LRRC42: variants seen among roughly 807,000 people sequenced by gnomAD.
LRRC42 encodes leucine-rich repeat-containing protein 42.
In LRRC42, 43 loss-of-function variants were observed where a neutral mutation model predicts 44.3. The observed-to-expected ratio is 0.97, with a 90% CI of 0.76 to 1.25. LRRC42 has a LOEUF of 1.25. Among genes scored for constraint, LRRC42 ranks in the 50% most tolerant of loss-of-function variants. The pLI, the probability that LRRC42 is intolerant of heterozygous loss-of-function variation, is 0.00. For missense variants in LRRC42, 540 were observed against 509.1 expected, an observed-to-expected ratio of 1.06 and a Z score of -0.58; for synonymous variants, 207 against 195.2, an observed-to-expected ratio of 1.06 and a Z score of -0.50.
intron 7 of LRRC42, among the ~76,000 whole-genome samples, chr1:53,962,759 A>AT (rs1655032126): frequency 6.6e-6 from 1 of 152,224 alleles, no homozygotes; most frequent in South Asian, 2.1e-4. Flanking sequence ...TAGTGTGTAT[A>AT]TACAGGAGAG....
At chr1:53,948,736 G>A (rs554066803) in intron 2 of LRRC42, among the ~76,000 whole-genome samples, 1 of 152,166 alleles carries the variant, frequency 6.6e-6, no homozygotes, top group Non-Finnish European at 1.5e-5. Flanking sequence ...TCCTGACCAG[G>A]TCCATTTGTA....
chr1:53,956,563 A>G (rs1277567002), intron 3 of LRRC42, among the ~76,000 whole-genome samples: 1 of 152,182 alleles, frequency 6.6e-6, no homozygotes, highest in East Asian at 1.9e-4. Flanking sequence ...TTAGAATCCA[A>G]ACTCAGGTCT....
At chr1:53,950,987 C>T (rs960789727) in intron 2 of LRRC42, among the ~76,000 whole-genome samples, 1 of 152,200 alleles carries the variant, frequency 6.6e-6, no homozygotes, top group African/African-American at 2.4e-5. Context: ...TGGTTCCACA[C>T]TATCTGCTCG....
chr1:53,958,687 A>T (rs1323661404), intron 4 of LRRC42, among the ~76,000 whole-genome samples: 1 of 151,674 alleles, frequency 6.6e-6, no homozygotes, highest in Non-Finnish European at 1.5e-5. Context: ...CCCAGGTTCA[A>T]GCAATTCTCC....
At chr1:53,956,910 T>C (rs1455846874) in intron 3 of LRRC42, among the ~76,000 whole-genome samples, 3 of 152,216 alleles carry the variant, frequency 2.0e-5, no homozygotes, top group Non-Finnish European at 4.4e-5. Context: ...GATTGGAAGG[T>C]GGAAAACAGC....
chr1:53,956,336 A>G (rs1654835525), intron 3 of LRRC42, among the ~76,000 whole-genome samples: 1 of 152,218 alleles, frequency 6.6e-6, no homozygotes, highest in South Asian at 2.1e-4. Flanking sequence ...ACAGGGAGGC[A>G]AGTATGTTTT....
chr1:53,953,620 A>G (rs146764072), intron 3 of LRRC42, among the ~76,000 whole-genome samples: 3,431 of 152,136 alleles, frequency 0.023, 74 homozygotes, highest in Non-Finnish European at 0.033. Flanking sequence ...CAGCCTCCTA[A>G]AGTGCTGGGA....
chr1:53,959,939 TAGGC>T (rs753029215), intron 4 of LRRC42, among the ~76,000 whole-genome samples: 251 of 151,760 alleles, frequency 1.7e-3, no homozygotes, highest in Non-Finnish European at 3.3e-3. Flanking sequence ...TTTTTTTTGT[TAGGC>T]AGGGTCATGT....
At chr1:53,965,227 C>T (rs539214033) in intron 7 of LRRC42, among the ~76,000 whole-genome samples, 2 of 151,704 alleles carry the variant, frequency 1.3e-5, no homozygotes, top group African/African-American at 2.4e-5. Context: ...TCCTGTGATC[C>T]GCCTGCCTCG....
chr1:53,954,682 A>G (rs561709236), intron 3 of LRRC42, among the ~76,000 whole-genome samples: 3 of 152,218 alleles, frequency 2.0e-5, no homozygotes, highest in Admixed American at 2.0e-4. Flanking sequence ...CTTATAGCTT[A>G]ATATTTGCCA....
In LRRC42 at chr1:53,962,384, G is replaced by A. The variant is rs780864196; in HGVS notation, c.902G>A (p.Cys301Tyr). The change falls in exon 7 of 9, where the codon TGC (cysteine) becomes TAC (tyrosine). Residue 301 changes from cysteine (C) to tyrosine (Y), a missense_variant. Coordinates refer to ENST00000371370, the MANE Select transcript of LRRC42 (RefSeq NM_001256409.2). The part of the protein sequence containing the change: ...VPLKEFDHSN[C>Y]KTEGWADQIV... ...TTGAAGGAATTTGATCATAGTAACT[G>A]CAAGACAGAGGGCTGGGCTGACCAG... 14 of 1,613,456 alleles carry A rather than the reference G, an allele frequency of 8.7e-6. No individual in the cohort carries two copies. Among genetic ancestry groups the A allele is most frequent in the Non-Finnish European group, 1.2e-5 (14 of 1,179,346 alleles).
chr1:53,947,114 G>A (rs962470017), intron 1 of LRRC42, among the ~76,000 whole-genome samples: 2 of 151,542 alleles, frequency 1.3e-5, no homozygotes, highest in African/African-American at 4.9e-5. Context: ...AGTGGGGGGT[G>A]GAGGAGTGTG....
At position 53,960,336 on chromosome 1, in the gene LRRC42, T is replaced by A. The variant is rs1420995027; in HGVS notation, c.606-20T>A. ...TCAAACTCTCTTTGAGTAATTTATG[T>A]ATGTACTTTGTTTCCCTAGTGTAAC... On this transcript the variant is annotated intron_variant, in intron 4 of 8. Transcript: ENST00000371370. The A allele has an allele frequency of 1.3e-6, 2 of 1,521,076 alleles. No individual in the cohort carries two copies. The highest frequency in any genetic ancestry group is 3.7e-5 in the Admixed American group (2 of 53,708). 94.2% of individuals were successfully genotyped at this position (1,521,076 alleles called of 1,614,324 possible).
intron 2 of LRRC42, among the ~76,000 whole-genome samples, chr1:53,951,528 G>A (rs1654679997): frequency 6.6e-6 from 1 of 152,118 alleles, no homozygotes; most frequent in Non-Finnish European, 1.5e-5. Flanking sequence ...GGGTTCAAGC[G>A]ATTCTCTTGC....
chr1:53,950,417 CT>C (rs1159503555), intron 2 of LRRC42, among the ~76,000 whole-genome samples: 1 of 152,204 alleles, frequency 6.6e-6, no homozygotes, highest in African/African-American at 2.4e-5. Context: ...CATAATTATC[CT>C]TGAGAGAAAC....
intron 3 of LRRC42, among the ~76,000 whole-genome samples, chr1:53,955,263 A>G (rs924557026): frequency 6.6e-6 from 1 of 152,122 alleles, no homozygotes; most frequent in Non-Finnish European, 1.5e-5. Flanking sequence ...TGTAAGAAAC[A>G]TTTACATTTA....
At chr1:53,957,828 A>G (rs1218283168) in intron 3 of LRRC42, among the ~76,000 whole-genome samples, 4 of 152,324 alleles carry the variant, frequency 2.6e-5, no homozygotes, top group African/African-American at 7.2e-5. Context: ...ATTCTCAGGT[A>G]AGGTCCCAAC....
chr1:53,967,725 A>G lies in LRRC42; in HGVS notation c.1073A>G (p.Asn358Ser), dbSNP rs753033638. The G allele has an allele frequency of 1.9e-6, 3 of 1,614,022 alleles. No individual in the cohort carries two copies. Among genetic ancestry groups the G allele is most frequent in the Non-Finnish European group, 2.5e-6 (3 of 1,179,998 alleles). ...LKCPLADTHM[N>S]SSEKLQFYKE... The stretch of plus-strand genomic sequence containing the variant: ...TGTCCCCTGGCAGACACCCACATGA[A>G]CTCTTCCGAGAAACTCCAGTTCTAT... Residue 358 changes from asparagine to serine, a missense_variant, in exon 9 of 9, where the codon AAC becomes AGC. Transcript: ENST00000371370.
At chr1:53,949,819 G>A (rs1242380843) in intron 2 of LRRC42, among the ~76,000 whole-genome samples, 1 of 152,192 alleles carries the variant, frequency 6.6e-6, no homozygotes, top group Non-Finnish European at 1.5e-5. Context: ...CCTGCAGAAG[G>A]GTCTGGCAAG....
Sources: gnomAD v4.1 joint callset for allele counts (sites outside exome capture counted in the v4.1 genomes callset) on GRCh38, gnomAD v4.1.1 for gene constraint, MANE v1.5 for transcripts, NCBI Gene and HGNC (gene_info 2026-07-23, HGNC 2026-07-21) for gene names.